The following MYOF variants were observed in gnomAD, a reference collection of about 807,000 sequenced individuals.
The protein encoded by MYOF is fer-1-like 3, myoferlin.
MYOF carries 244 observed loss-of-function variants against 284.2 expected under a neutral mutation model. That is an observed-to-expected ratio of 0.86 (90% CI 0.77 to 0.95). The LOEUF (loss-of-function observed/expected upper bound fraction) is 0.95. Ranked by LOEUF, MYOF falls within the 40% of genes least tolerant of loss-of-function variation. The pLI is 0.00. For synonymous variants in MYOF, 904 were observed against 919.7 expected, an observed-to-expected ratio of 0.98 and a Z score of 0.31; for missense variants, 2,496 against 2,560.6, an observed-to-expected ratio of 0.97 and a Z score of 0.54.
intron 32 of MYOF, 143 bp from the exon 33 acceptor site, chr10:93,351,989 C>A (rs764170738): frequency 8.0e-6 from 6 of 746,974 alleles, no homozygotes; most frequent in African/African-American, 1.8e-5. Flanking sequence ...TTCTAGGGAG[C>A]AGGGAGTTCC....
Position 93,351,808 on chromosome 10 carries a change from T to C in MYOF, c.3520A>G (p.Thr1174Ala), listed in dbSNP as rs1232407605. Residue 1174 changes from threonine (T) to alanine (A), a missense_variant, in exon 33 of 54, where the codon ACC becomes GCC. Thr to Ala is a moderately conservative substitution (Grantham distance 58). Coordinates refer to ENST00000359263, the MANE Select transcript of MYOF (RefSeq NM_013451.4). The part of the protein sequence containing the change: ...AHICFLHRSK[T>A]TEIIHSTLNP... ...AGGGTTGAATGGATGATCTCAGTGG[T>C]TTTGCTCCGATGGAGGAAACAGATA... 6.3e-7 allele frequency: 1 copy of C among 1,588,172 alleles called. No individual in the cohort carries two copies. Among genetic ancestry groups the C allele is most frequent in the Non-Finnish European group, 8.5e-7 (1 of 1,174,098 alleles).
At chr10:93,440,596 G>A (rs2056219720) in intron 3 of MYOF, among the ~76,000 whole-genome samples, 3 of 152,250 alleles carry the variant, frequency 2.0e-5, no homozygotes. Flanking sequence ...CTCCATAAAA[G>A]GTATGGAGTA....
intron 29 of MYOF, 51 bp from the exon 30 acceptor site, chr10:93,356,899 C>G (rs1422565554): frequency 1.3e-6 from 2 of 1,532,440 alleles, no homozygotes; most frequent in South Asian, 2.5e-5. Flanking sequence ...GATGATATTC[C>G]TTATTTTGAT....
intron 3 of MYOF, among the ~76,000 whole-genome samples, chr10:93,445,746 C>G (rs1358256910): frequency 3.3e-5 from 5 of 152,156 alleles, no homozygotes; most frequent in South Asian, 2.1e-4. Flanking sequence ...TGCTAATAGG[C>G]CGGGGAGCAG....
At chr10:93,313,405 G>A (rs142775683) in intron 50 of MYOF, among the ~76,000 whole-genome samples, 195 bp from the exon 51 acceptor site, 101 of 152,226 alleles carry the variant, frequency 6.6e-4, no homozygotes, top group African/African-American at 2.2e-3. Flanking sequence ...AGAAATAGCC[G>A]TCCACTGCAC....
At chr10:93,332,238 T>TG (rs1554839146) in intron 43 of MYOF, among the ~76,000 whole-genome samples, 1 of 151,366 alleles carries the variant, frequency 6.6e-6, no homozygotes, top group Non-Finnish European at 1.5e-5. Flanking sequence ...TTTTTTTTTT[T>TG]GGGAGACGGA....
chr10:93,479,243 T>C (rs10882242), intron 1 of MYOF, among the ~76,000 whole-genome samples: 117,692 of 151,514 alleles, frequency 0.78, 46,161 homozygotes, highest in South Asian at 0.84. Flanking sequence ...CAGGCTCAAG[T>C]GATTCTCCTG....
chr10:93,443,988 G>A (rs953221310), intron 3 of MYOF, among the ~76,000 whole-genome samples: 1 of 152,188 alleles, frequency 6.6e-6, no homozygotes, highest in African/African-American at 2.4e-5. Context: ...CTTCCTGTGA[G>A]CTCAGCCTTG....
In MYOF at chr10:93,306,867, G is replaced by T; in HGVS notation, c.*96C>A. The stretch of plus-strand genomic sequence containing the variant: ...TGACATGGCGTAACCTGCTACTGGG[G>T]TGTGGTCTCAGACACAAAATCACAC... On this transcript the variant is annotated 3_prime_UTR_variant, in exon 54 of 54. Transcript: ENST00000359263. 1 of 1,279,030 alleles carries T rather than the reference G, an allele frequency of 7.8e-7. No homozygotes were observed. The highest frequency in any genetic ancestry group is 1.1e-6 in the Non-Finnish European group (1 of 883,834). 79.2% of individuals were successfully genotyped at this position (1,279,030 alleles called of 1,614,324 possible).
chr10:93,430,581 CAAAA>C (rs747001393), intron 4 of MYOF, among the ~76,000 whole-genome samples: 2 of 86,176 alleles, frequency 2.3e-5, no homozygotes. Context: ...GACTCCATCT[CAAAA>C]AAAAAAAAAA....
chr10:93,431,023 T>C (rs1848826681), intron 4 of MYOF, among the ~76,000 whole-genome samples: 1 of 127,328 alleles, frequency 7.9e-6, no homozygotes, highest in African/African-American at 2.6e-5. Flanking sequence ...ATTTTTCTTT[T>C]CTTTTTTTTT....
At chr10:93,470,008 C>T (rs1037521822) in intron 1 of MYOF, among the ~76,000 whole-genome samples, 4 of 152,022 alleles carry the variant, frequency 2.6e-5, no homozygotes, top group Non-Finnish European at 4.4e-5. Flanking sequence ...GCGGGCAGAT[C>T]GCCTGAGGTC....
chr10:93,366,752 G>C (rs1191571396), intron 25 of MYOF, among the ~76,000 whole-genome samples, 197 bp from the exon 26 acceptor site: 2 of 152,102 alleles, frequency 1.3e-5, no homozygotes, highest in South Asian at 2.1e-4. Context: ...CAACTTTCTA[G>C]GACTCAGTGT....
At chr10:93,406,288 T>TTATACATATATATATA (rs1554855589) in intron 7 of MYOF, among the ~76,000 whole-genome samples, 9 of 58,148 alleles carry the variant, frequency 1.5e-4, no homozygotes, top group Admixed American at 5.6e-4. Flanking sequence ...TAAACCTCTT[T>TTATACATATATATATA]TATATATATA....
intron 3 of MYOF, among the ~76,000 whole-genome samples, chr10:93,436,471 G>GATTT (rs1181519388): frequency 3.0e-5 from 4 of 131,810 alleles, no homozygotes; most frequent in Non-Finnish European, 5.2e-5. Context: ...AAGAAAACTG[G>GATTT]ATTTATTTAT....
chr10:93,447,917 C>A (rs973563007), intron 3 of MYOF, among the ~76,000 whole-genome samples: 3 of 152,146 alleles, frequency 2.0e-5, no homozygotes, highest in Non-Finnish European at 4.4e-5. Context: ...GTTCCTACCT[C>A]CAGTCTCTAC....
At chr10:93,367,223 C>T (rs1247499389) in intron 25 of MYOF, among the ~76,000 whole-genome samples, 1 of 152,194 alleles carries the variant, frequency 6.6e-6, no homozygotes, top group African/African-American at 2.4e-5. Context: ...TAGGGCATTC[C>T]TTTCCAAGTT....
rs1347988078 is a variant in MYOF at position 93,387,916 on chromosome 10, G to A, written c.1582-3C>T. On this transcript the variant is annotated splice_region_variant and splice_polypyrimidine_tract_variant and intron_variant, in intron 18 of 53. Transcript: ENST00000359263. ...CCTCTGTAGGCAACTCCTTCCCCCT[G>A]AAAGGCAATAATCCAGGATTATTCC... 2 of 1,608,502 alleles carry A rather than the reference G, an allele frequency of 1.2e-6. No homozygotes were observed. Among genetic ancestry groups the A allele is most frequent in the South Asian group, 1.1e-5 (1 of 90,964 alleles).
chr10:93,326,888 G>A (rs761679532), intron 45 of MYOF, among the ~76,000 whole-genome samples: 1 of 152,066 alleles, frequency 6.6e-6, no homozygotes, highest in Non-Finnish European at 1.5e-5. Flanking sequence ...GCCTCCCAAA[G>A]TGCTGGGATT....
Sources: allele counts gnomAD v4.1 joint callset (sites outside exome capture counted in the v4.1 genomes callset), GRCh38; gene constraint gnomAD v4.1.1; transcripts MANE v1.5; gene names NCBI Gene and HGNC (gene_info 2026-07-23, HGNC 2026-07-21).